OR1J2: variants seen among roughly 807,000 people sequenced by gnomAD.
The protein encoded by OR1J2 is olfactory receptor 1J2.
For synonymous variants in OR1J2, 142 were observed against 99.7 expected (o/e 1.42, Z -2.52); for missense variants, 304 against 246.1 (o/e 1.24, Z -1.57).
the OR1J2 span, among the ~76,000 whole-genome samples, chr9:122,493,652 G>T: frequency 6.6e-6 from 1 of 151,978 alleles, no homozygotes; most frequent in East Asian, 1.9e-4. Flanking sequence ...CAAATAACCA[G>T]CATTTTGTTT....
At chr9:122,554,746 GAATT>G in the OR1J2 span, among the ~76,000 whole-genome samples, 1 of 152,074 alleles carries the variant, frequency 6.6e-6, no homozygotes, top group African/African-American at 2.4e-5. Context: ...AGGAGAAAAA[GAATT>G]AATATATGTT....
chr9:122,561,778 T>A, the OR1J2 span, among the ~76,000 whole-genome samples: 3 of 152,284 alleles, frequency 2.0e-5, no homozygotes, highest in East Asian at 5.8e-4. Context: ...CTGTATAAAA[T>A]GTCTGACAAC....
the OR1J2 span, chr9:122,471,232 T>C: frequency 2.9e-4 from 44 of 152,282 alleles, 1 homozygote; most frequent in African/African-American, 1.1e-3. Context: ...GGGAAATAAT[T>C]TGAATCACGG....
At chr9:122,493,453 T>G in the OR1J2 span, among the ~76,000 whole-genome samples, 1 of 152,200 alleles carries the variant, frequency 6.6e-6, no homozygotes, top group African/African-American at 2.4e-5. Context: ...TTTCCAGGAA[T>G]TTGTTCATCT....
chr9:122,487,043 A>G, the OR1J2 span, among the ~76,000 whole-genome samples: 2 of 152,138 alleles, frequency 1.3e-5, no homozygotes, highest in African/African-American at 4.8e-5. Context: ...AAAAAAACAA[A>G]TAAGACCCTG....
the OR1J2 span, among the ~76,000 whole-genome samples, chr9:122,530,659 G>T: frequency 6.6e-6 from 1 of 152,186 alleles, no homozygotes; most frequent in Non-Finnish European, 1.5e-5. Context: ...TGAGCAACAA[G>T]GCTGTTTATT....
the OR1J2 span, among the ~76,000 whole-genome samples, chr9:122,449,675 A>T: frequency 6.6e-6 from 1 of 151,962 alleles, no homozygotes; most frequent in Non-Finnish European, 1.5e-5. Context: ...GGCCTATGAG[A>T]TGTATTTCTA....
chr9:122,515,869 C>A (rs888511479), downstream of OR1J2, among the ~76,000 whole-genome samples: 1 of 151,054 alleles, frequency 6.6e-6, no homozygotes, highest in African/African-American at 2.5e-5. Context: ...TCAGAGGCAG[C>A]AAACTTTGAG....
chr9:122,563,631 T>C, the OR1J2 span, among the ~76,000 whole-genome samples: 1 of 152,222 alleles, frequency 6.6e-6, no homozygotes, highest in South Asian at 2.1e-4. Context: ...AATCCATTTG[T>C]CTATTTTTGC....
upstream of OR1J2, among the ~76,000 whole-genome samples, chr9:122,506,018 G>A (rs566310356): frequency 1.2e-4 from 18 of 152,162 alleles, no homozygotes; most frequent in Admixed American, 3.9e-4. Flanking sequence ...CATGTTCACC[G>A]GAGAGAAGAA....
At chr9:122,477,837 C>G in the OR1J2 span, 18 of 1,614,016 alleles carry the variant, frequency 1.1e-5, no homozygotes, top group East Asian at 8.9e-5. Context: ...TGCCCAGGAA[C>G]AGGGCGAAGA....
At chr9:122,537,348 G>A in the OR1J2 span, among the ~76,000 whole-genome samples, 14 of 152,184 alleles carry the variant, frequency 9.2e-5, no homozygotes, top group Admixed American at 3.3e-4. Context: ...TTTAGGCCAG[G>A]CAGGCCCAGG....
chr9:122,549,154 G>A, the OR1J2 span, among the ~76,000 whole-genome samples: 20 of 152,068 alleles, frequency 1.3e-4, no homozygotes, highest in East Asian at 7.8e-4. Flanking sequence ...TCATGAGGGC[G>A]GATCCCTCAT....
chr9:122,528,076 A>G, the OR1J2 span, among the ~76,000 whole-genome samples: 84 of 152,382 alleles, frequency 5.5e-4, no homozygotes, highest in African/African-American at 2.0e-3. Flanking sequence ...CCATCAGTCA[A>G]TATAGATAGA....
At chr9:122,466,268 C>T in the OR1J2 span, among the ~76,000 whole-genome samples, 1 of 152,264 alleles carries the variant, frequency 6.6e-6, no homozygotes, top group East Asian at 1.9e-4. Context: ...ATTCTTGAGG[C>T]TTTTCCTGAA....
At chr9:122,526,660 T>C in the OR1J2 span, 2 of 1,614,002 alleles carry the variant, frequency 1.2e-6, no homozygotes, top group Non-Finnish European at 1.7e-6. Flanking sequence ...GAGGTGACAA[T>C]GCATAAAAAG....
chr9:122,521,502 G>T, the OR1J2 span, among the ~76,000 whole-genome samples: 1 of 152,156 alleles, frequency 6.6e-6, no homozygotes, highest in Non-Finnish European at 1.5e-5. Context: ...TTCATCGGGG[G>T]CTCATGTAGC....
chr9:122,527,011 A>G, the OR1J2 span: 1 of 1,614,098 alleles, frequency 6.2e-7, no homozygotes, highest in Non-Finnish European at 8.5e-7. Flanking sequence ...TGCGTGAGGC[A>G]ACCCGTATAG....
chr9:122,472,687 C>G, the OR1J2 span, among the ~76,000 whole-genome samples: 1 of 152,248 alleles, frequency 6.6e-6, no homozygotes, highest in Non-Finnish European at 1.5e-5. Context: ...AATCTTTCCA[C>G]AGTGCATTCC....
Sources: gnomAD v4.1 joint callset for allele counts (sites outside exome capture counted in the v4.1 genomes callset) on GRCh38, gnomAD v4.1.1 for gene constraint, MANE v1.5 for transcripts, NCBI Gene and HGNC (gene_info 2026-07-23, HGNC 2026-07-21) for gene names.